The following MACROD2 variants were observed in gnomAD, a reference collection of about 807,000 sequenced individuals.
MACROD2 encodes ADP-ribose glycohydrolase MACROD2.
A neutral mutation model predicts 70.4 loss-of-function variants in MACROD2; 36 were observed. The observed-to-expected ratio is 0.51, with a 90% confidence interval of 0.39 to 0.68. The LOEUF (loss-of-function observed/expected upper bound fraction) is 0.68, where lower values mean the gene tolerates loss of function less well. Ranked by LOEUF, MACROD2 falls within the 30% of genes least tolerant of loss-of-function variation. MACROD2 has a pLI of 0.00. For synonymous variants in MACROD2, 172 were observed against 178.8 expected, an observed-to-expected ratio of 0.96 and a Z score of 0.30; for missense variants, 496 against 538.4, an observed-to-expected ratio of 0.92 and a Z score of 0.78.
At chr20:14,150,993 C>A (rs928867578) in intron 3 of MACROD2, among the ~76,000 whole-genome samples, 3 of 152,110 alleles carry the variant, frequency 2.0e-5, no homozygotes, top group African/African-American at 7.2e-5. Context: ...AAGCATAAGG[C>A]CAGTATTTAT....
chr20:15,497,483 G>A (rs917855065), intron 7 of MACROD2, among the ~76,000 whole-genome samples: 6 of 152,052 alleles, frequency 3.9e-5, no homozygotes, highest in African/African-American at 1.4e-4. Flanking sequence ...GTAGAGATGG[G>A]GTTTCAGCAT....
chr20:15,907,678 T>C (rs2065168631), intron 10 of MACROD2, among the ~76,000 whole-genome samples: 1 of 152,232 alleles, frequency 6.6e-6, no homozygotes, highest in South Asian at 2.1e-4. Context: ...GCCGTGAGTG[T>C]GGACAGTCAT....
At chr20:14,261,840 A>T (rs1344837754) in intron 3 of MACROD2, among the ~76,000 whole-genome samples, 1 of 152,098 alleles carries the variant, frequency 6.6e-6, no homozygotes, top group East Asian at 1.9e-4. Flanking sequence ...ATGTAATCAA[A>T]GTCTTCTTGG....
At chr20:14,167,320 A>AAACT (rs1390947347) in intron 3 of MACROD2, among the ~76,000 whole-genome samples, 1 of 152,118 alleles carries the variant, frequency 6.6e-6, no homozygotes, top group South Asian at 2.1e-4. Context: ...GCTTCTTCAC[A>AAACT]AACTAACTGT....
At chr20:15,898,772 C>T (rs1303120194) in intron 10 of MACROD2, among the ~76,000 whole-genome samples, 5 of 151,922 alleles carry the variant, frequency 3.3e-5, no homozygotes, top group Non-Finnish European at 7.4e-5. Flanking sequence ...TTGATCCTGG[C>T]ACTTTATCAT....
At chr20:15,781,511 G>C (rs528498574) in intron 8 of MACROD2, among the ~76,000 whole-genome samples, 6 of 152,284 alleles carry the variant, frequency 3.9e-5, no homozygotes, top group African/African-American at 1.4e-4. Context: ...AGTTTCTGAT[G>C]AGGGCTATCT....
chr20:15,874,607 C>G (rs191517290), intron 9 of MACROD2, among the ~76,000 whole-genome samples: 1 of 152,262 alleles, frequency 6.6e-6, no homozygotes, highest in Non-Finnish European at 1.5e-5. Flanking sequence ...GATCACCATT[C>G]TAACTGGCAT....
chr20:14,918,279 T>C (rs1323207189), intron 5 of MACROD2, among the ~76,000 whole-genome samples: 2 of 151,848 alleles, frequency 1.3e-5, no homozygotes, highest in South Asian at 4.2e-4. Context: ...CTAGAAAAGG[T>C]TTTTCATGAT....
intron 8 of MACROD2, among the ~76,000 whole-genome samples, chr20:15,795,859 G>A (rs1254943261): frequency 6.6e-6 from 1 of 152,148 alleles, no homozygotes; most frequent in Non-Finnish European, 1.5e-5. Flanking sequence ...ATTTCAATCA[G>A]CCCAAAAGGC....
At chr20:14,137,982 T>A (rs770607908) in intron 3 of MACROD2, among the ~76,000 whole-genome samples, 5 of 152,074 alleles carry the variant, frequency 3.3e-5, no homozygotes, top group African/African-American at 4.8e-5. Context: ...AAAGGACACA[T>A]ACAGATGGCC....
chr20:15,568,076 C>T (rs543121545), intron 8 of MACROD2, among the ~76,000 whole-genome samples: 1 of 152,264 alleles, frequency 6.6e-6, no homozygotes, highest in Admixed American at 6.5e-5. Flanking sequence ...TGGTTATGAG[C>T]CACAGGGCCT....
chr20:14,952,516 C>A (rs1296558242), intron 5 of MACROD2, among the ~76,000 whole-genome samples: 1 of 152,134 alleles, frequency 6.6e-6, no homozygotes, highest in Admixed American at 6.6e-5. Context: ...ATGCAGGGAA[C>A]AACTTATTAA....
chr20:14,613,597 A>T (rs1159293393), intron 4 of MACROD2, among the ~76,000 whole-genome samples: 2 of 152,106 alleles, frequency 1.3e-5, no homozygotes, highest in Admixed American at 6.6e-5. Flanking sequence ...GACAAAACAC[A>T]GTGGAGATTT....
intron 4 of MACROD2, among the ~76,000 whole-genome samples, chr20:14,588,789 A>G (rs1981560598): frequency 6.6e-6 from 1 of 152,214 alleles, no homozygotes; most frequent in Non-Finnish European, 1.5e-5. Flanking sequence ...ACGTTACATG[A>G]TAAACATTGT....
intron 4 of MACROD2, among the ~76,000 whole-genome samples, chr20:14,609,981 CA>C (rs1253825956): frequency 6.6e-6 from 1 of 152,076 alleles, no homozygotes; most frequent in Non-Finnish European, 1.5e-5. Flanking sequence ...ATTTTGTAGT[CA>C]AAAGCTCATG....
At chr20:15,324,541 C>G (rs2077907286) in intron 6 of MACROD2, among the ~76,000 whole-genome samples, 4 of 152,166 alleles carry the variant, frequency 2.6e-5, no homozygotes. Context: ...ATAGACCCTG[C>G]AATTAAGCCC....
At position 14,808,675 on chromosome 20, in the gene MACROD2, A is replaced by G. The variant is rs573814408; in HGVS notation, c.418+123716A>G. Among the ~76,000 whole-genome samples, 62 of 152,012 alleles carry G rather than the reference A, an allele frequency of 4.1e-4. 2 individuals carry two copies. The highest frequency in any genetic ancestry group is 6.5e-4 in the Non-Finnish European group (44 of 67,924). On this transcript the variant is annotated intron_variant, in intron 5 of 17. Coordinates refer to ENST00000684519, the MANE Select transcript of MACROD2 (RefSeq NM_001351661.2). ...AAGAGTCAAGACCCATCATTGTGCT[A>G]TATTCAGGAGACCCATCTCATGTGC...
At chr20:15,128,835 T>G (rs1232807059) in intron 5 of MACROD2, among the ~76,000 whole-genome samples, 1 of 79,252 alleles carries the variant, frequency 1.3e-5, no homozygotes, top group African/African-American at 4.7e-5. Context: ...TATCTGGGGT[T>G]TGTGTTTTGT....
chr20:14,121,564 C>T (rs2054589559), intron 3 of MACROD2, among the ~76,000 whole-genome samples: 1 of 152,256 alleles, frequency 6.6e-6, no homozygotes, highest in South Asian at 2.1e-4. Context: ...TATTCAGTGA[C>T]CCTTCTATCT....
Sources: gnomAD v4.1 joint callset for allele counts (sites outside exome capture counted in the v4.1 genomes callset) on GRCh38, gnomAD v4.1.1 for gene constraint, MANE v1.5 for transcripts, NCBI Gene and HGNC (gene_info 2026-07-23, HGNC 2026-07-21) for gene names.